CNTNAP2: variants seen among roughly 807,000 people sequenced by gnomAD.
The protein encoded by CNTNAP2 is contactin associated protein 2, also known as contactin-associated protein-like 2.
CNTNAP2 carries 98 observed loss-of-function variants against 155.2 expected under a neutral mutation model. That is an observed-to-expected ratio of 0.63 (90% confidence interval 0.54 to 0.75). The LOEUF is 0.75. Ranked by LOEUF, CNTNAP2 falls within the 30% of genes least tolerant of loss-of-function variation. CNTNAP2 has a pLI of 0.00. For synonymous variants in CNTNAP2, 651 were observed against 631.2 expected, an observed-to-expected ratio of 1.03 and a Z score of -0.47; for missense variants, 1,727 against 1,688.1, an observed-to-expected ratio of 1.02 and a Z score of -0.40.
At chr7:146,354,449 C>A (rs1406131797) in intron 1 of CNTNAP2, among the ~76,000 whole-genome samples, 1 of 142,544 alleles carries the variant, frequency 7.0e-6, no homozygotes, top group Non-Finnish European at 1.5e-5. Context: ...GAATCTCACT[C>A]TGTCGCCCCG....
intron 1 of CNTNAP2, among the ~76,000 whole-genome samples, chr7:146,555,178 A>T (rs917979499): frequency 1.3e-5 from 2 of 152,096 alleles, no homozygotes; most frequent in Non-Finnish European, 2.9e-5. Context: ...TTCTCCTTCA[A>T]AGAGCACTGG....
intron 10 of CNTNAP2, among the ~76,000 whole-genome samples, chr7:147,421,583 A>ATGTGTGTGTGTGTGTGTG (rs1331509521): frequency 2.1e-5 from 1 of 47,142 alleles, no homozygotes; most frequent in African/African-American, 1.2e-4. Context: ...TGTCTATCTA[A>ATGTGTGTGTGTGTGTGTG]TCTGTGTGTG....
intron 1 of CNTNAP2, among the ~76,000 whole-genome samples, chr7:146,365,004 C>G (rs1327498536): frequency 6.6e-6 from 1 of 152,094 alleles, no homozygotes; most frequent in East Asian, 1.9e-4. Flanking sequence ...ACTATAAAAT[C>G]CCAGGAGAAC....
chr7:147,309,470 A>G (rs1345785308), intron 9 of CNTNAP2, among the ~76,000 whole-genome samples: 1 of 151,954 alleles, frequency 6.6e-6, no homozygotes, highest in Non-Finnish European at 1.5e-5. Context: ...CTGCTTCCAA[A>G]CCTTTTAGTT....
At chr7:147,136,497 G>T (rs1315708475) in intron 8 of CNTNAP2, among the ~76,000 whole-genome samples, 1 of 151,880 alleles carries the variant, frequency 6.6e-6, no homozygotes, top group Non-Finnish European at 1.5e-5. Context: ...AATTTCCTTT[G>T]TAAATCATTG....
chr7:146,712,713 TATC>T (rs2129175597), intron 1 of CNTNAP2, among the ~76,000 whole-genome samples: 1 of 152,086 alleles, frequency 6.6e-6, no homozygotes, highest in East Asian at 1.9e-4. Context: ...ATCTGTAACA[TATC>T]ATGGCTGAAT....
At chr7:147,747,455 C>A (rs1185970212) in intron 13 of CNTNAP2, among the ~76,000 whole-genome samples, 1 of 152,168 alleles carries the variant, frequency 6.6e-6, no homozygotes, top group African/African-American at 2.4e-5. Flanking sequence ...GAGTAATATT[C>A]TCTTGCATAT....
intron 10 of CNTNAP2, among the ~76,000 whole-genome samples, chr7:147,453,278 G>A (rs2116572749): frequency 6.6e-6 from 1 of 152,262 alleles, no homozygotes; most frequent in Middle Eastern, 3.4e-3. Flanking sequence ...GCCTCCCCTA[G>A]TCCAGGTGCT....
intron 13 of CNTNAP2, among the ~76,000 whole-genome samples, chr7:147,858,070 G>A (rs1055245691): frequency 7.2e-5 from 11 of 152,144 alleles, no homozygotes; most frequent in Non-Finnish European, 1.3e-4. Flanking sequence ...AGGACTGGAC[G>A]TTAATCAAAA....
At chr7:146,498,654 A>G (rs1797254668) in intron 1 of CNTNAP2, among the ~76,000 whole-genome samples, 1 of 149,102 alleles carries the variant, frequency 6.7e-6, no homozygotes, top group Non-Finnish European at 1.5e-5. Context: ...CGAAATAATA[A>G]AACAAAGTTG....
At chr7:146,339,199 G>T (rs576756119) in intron 1 of CNTNAP2, among the ~76,000 whole-genome samples, 4 of 151,948 alleles carry the variant, frequency 2.6e-5, no homozygotes, top group Non-Finnish European at 5.9e-5. Flanking sequence ...CATTGTGTTT[G>T]TATTTGTCTC....
intron 13 of CNTNAP2, among the ~76,000 whole-genome samples, chr7:147,670,283 G>T (rs899621483): frequency 6.6e-6 from 1 of 152,096 alleles, no homozygotes; most frequent in Non-Finnish European, 1.5e-5. Flanking sequence ...GAAGACCTGA[G>T]GTCCGTGTTC....
chr7:146,408,738 G>T (rs977587716), intron 1 of CNTNAP2, among the ~76,000 whole-genome samples: 6 of 152,014 alleles, frequency 3.9e-5, no homozygotes, highest in East Asian at 3.9e-4. Flanking sequence ...AAACCTGCAC[G>T]TTGTGCACAT....
At chr7:146,765,365 T>A (rs1184870377) in intron 1 of CNTNAP2, among the ~76,000 whole-genome samples, 1 of 152,238 alleles carries the variant, frequency 6.6e-6, no homozygotes, top group Non-Finnish European at 1.5e-5. Context: ...AAGCCATTTC[T>A]CTTTTGCAAT....
At chr7:148,307,972 C>CA (rs1012348237) in intron 21 of CNTNAP2, among the ~76,000 whole-genome samples, 39 of 151,454 alleles carry the variant, frequency 2.6e-4, no homozygotes, top group Admixed American at 1.4e-3. Context: ...GACCCTGTCT[C>CA]AAAAAAAAGA....
At chr7:147,921,428 G>C (rs1800278923) in intron 14 of CNTNAP2, among the ~76,000 whole-genome samples, 1 of 152,188 alleles carries the variant, frequency 6.6e-6, no homozygotes, top group Admixed American at 6.5e-5. Flanking sequence ...TTTAGGAGAT[G>C]TTTTGGGCAG....
At chr7:148,252,948 T>C (rs1435237068) in intron 20 of CNTNAP2, among the ~76,000 whole-genome samples, 2 of 151,548 alleles carry the variant, frequency 1.3e-5, no homozygotes, top group African/African-American at 4.9e-5. Context: ...TGGTTACAAA[T>C]AACAACAACA....
intron 2 of CNTNAP2, among the ~76,000 whole-genome samples, chr7:146,792,427 A>G (rs1802691159): frequency 6.6e-6 from 1 of 152,214 alleles, no homozygotes; most frequent in South Asian, 2.1e-4. Context: ...AATACGGACC[A>G]AGATACCAAC....
At chr7:146,213,140 A>G (rs994481506) in intron 1 of CNTNAP2, among the ~76,000 whole-genome samples, 13 of 152,224 alleles carry the variant, frequency 8.5e-5, no homozygotes, top group African/African-American at 3.1e-4. Context: ...TTTCCAGATT[A>G]ATTTCATTTC....
Sources: allele counts gnomAD v4.1 joint callset (sites outside exome capture counted in the v4.1 genomes callset), GRCh38; gene constraint gnomAD v4.1.1; transcripts MANE v1.5; gene names NCBI Gene and HGNC (gene_info 2026-07-23, HGNC 2026-07-21).